Variants in NPNT observed in about 807,000 individuals in gnomAD.
NPNT encodes the protein preosteoblast EGF-like repeat protein with MAM domain.
In NPNT, 45 loss-of-function variants were observed where a neutral mutation model predicts 68.6. The ratio of observed to expected loss-of-function variants is 0.66; its 90% CI spans 0.52 to 0.84. The LOEUF (loss-of-function observed/expected upper bound fraction) is 0.84, where lower values mean the gene tolerates loss of function less well. NPNT is among the 40% of genes least tolerant of loss of function. NPNT has a pLI of 0.00. For missense variants in NPNT, 672 were observed against 714.8 expected (o/e 0.94, Z 0.68); for synonymous variants, 233 against 253.3 (o/e 0.92, Z 0.76).
intron 2 of NPNT, among the ~76,000 whole-genome samples, chr4:105,901,038 T>C (rs2149315335): frequency 6.6e-6 from 1 of 152,348 alleles, no homozygotes; most frequent in South Asian, 2.1e-4. Context: ...ACACAGCATC[T>C]TAAACCACTC....
intron 3 of NPNT, among the ~76,000 whole-genome samples, chr4:105,934,189 AATTT>A (rs1282911700): frequency 2.0e-5 from 3 of 151,562 alleles, no homozygotes; most frequent in Non-Finnish European, 4.4e-5. Context: ...ATTTGGAAGT[AATTT>A]ATTTTTGAAT....
At chr4:105,923,001 T>C (rs1018233763) in intron 2 of NPNT, among the ~76,000 whole-genome samples, 2 of 152,246 alleles carry the variant, frequency 1.3e-5, no homozygotes, top group African/African-American at 4.8e-5. Context: ...GAAGCAATGC[T>C]GCCTTTTCTG....
intron 2 of NPNT, among the ~76,000 whole-genome samples, chr4:105,915,385 G>A (rs1044615596): frequency 2.0e-5 from 3 of 152,110 alleles, no homozygotes; most frequent in South Asian, 2.1e-4. Context: ...GTGGCGGGGG[G>A]GCACATGGGC....
At chr4:105,925,277 C>A (rs1334866398) in intron 2 of NPNT, among the ~76,000 whole-genome samples, 1 of 152,010 alleles carries the variant, frequency 6.6e-6, no homozygotes, top group Non-Finnish European at 1.5e-5. Flanking sequence ...AGGGCATTTC[C>A]CTATCATTTA....
intron 3 of NPNT, 175 bp downstream of exon 3, chr4:105,927,603 A>C: frequency 5.4e-6 from 2 of 372,522 alleles, no homozygotes; most frequent in Non-Finnish European, 4.8e-6. Flanking sequence ...TTCTTTTATC[A>C]AAGGACAATT....
At chr4:105,964,398 T>C (rs1383991319) in intron 10 of NPNT, among the ~76,000 whole-genome samples, 1 of 152,226 alleles carries the variant, frequency 6.6e-6, no homozygotes, top group East Asian at 1.9e-4. Context: ...ACTATATCCA[T>C]AGAATAAATT....
chr4:105,907,047 C>G (rs573911320), intron 2 of NPNT, among the ~76,000 whole-genome samples: 1 of 152,130 alleles, frequency 6.6e-6, no homozygotes, highest in Non-Finnish European at 1.5e-5. Flanking sequence ...TATAGGTGTT[C>G]CGGGGAGTCA....
At chr4:105,956,802 C>T (rs1457994128) in intron 8 of NPNT, among the ~76,000 whole-genome samples, 1 of 152,202 alleles carries the variant, frequency 6.6e-6, no homozygotes, top group Non-Finnish European at 1.5e-5. Flanking sequence ...TGGGTATCCA[C>T]AGTCAGCTGT....
intron 1 of NPNT, among the ~76,000 whole-genome samples, chr4:105,896,440 C>A (rs908871675): frequency 6.6e-6 from 1 of 152,006 alleles, no homozygotes; most frequent in Admixed American, 6.5e-5. Context: ...CCGGTCCTCC[C>A]GCGCTCCGGG....
chr4:105,952,407 C>A (rs1280302131), intron 8 of NPNT, among the ~76,000 whole-genome samples: 1 of 152,142 alleles, frequency 6.6e-6, no homozygotes, highest in Admixed American at 6.5e-5. Flanking sequence ...AAAATAGAGA[C>A]CACATCATCT....
chr4:105,935,038 A>G (rs147034222), intron 3 of NPNT, among the ~76,000 whole-genome samples: 1 of 152,360 alleles, frequency 6.6e-6, no homozygotes, highest in African/African-American at 2.4e-5. Context: ...AGAAATTTCC[A>G]TCAGCATAAA....
chr4:105,942,731 C>A, intron 8 of NPNT, 29 bp downstream of exon 8: 1 of 1,559,306 alleles, frequency 6.4e-7, no homozygotes, highest in South Asian at 1.2e-5. Flanking sequence ...AGCACATTTT[C>A]AATAGGCTCT....
chr4:105,901,962 C>G (rs559385860), intron 2 of NPNT, among the ~76,000 whole-genome samples: 2 of 152,206 alleles, frequency 1.3e-5, no homozygotes, highest in Middle Eastern at 3.4e-3. Context: ...TTATTTCTTT[C>G]TGCATTTCAA....
chr4:105,901,796 C>T lies in NPNT; in HGVS notation c.172+3795C>T, dbSNP rs115821503. Among the ~76,000 whole-genome samples the T allele has an allele frequency of 1.0e-2, 1,515 of 152,228 alleles. 23 individuals carry two copies. Among genetic ancestry groups the T allele is most frequent in the African/African-American group, 0.033 (1,382 of 41,548 alleles). On this transcript the variant is annotated intron_variant, in intron 2 of 11. Coordinates refer to ENST00000379987, the MANE Select transcript of NPNT (RefSeq NM_001033047.3). Reference sequence around the variant, plus strand: ...TAAAGTGAAAATTTTGGATTCTTATCGGCTTCAGATAAACTTACAGGTTAG... The same window carrying T: ...TAAAGTGAAAATTTTGGATTCTTATTGGCTTCAGATAAACTTACAGGTTAG...
chr4:105,945,431 T>C (rs1274403542), intron 8 of NPNT, among the ~76,000 whole-genome samples: 1 of 152,164 alleles, frequency 6.6e-6, no homozygotes, highest in East Asian at 1.9e-4. Context: ...AAACTCAACA[T>C]GTATAGAATT....
chr4:105,957,316 C>A (rs2149399087), intron 8 of NPNT, among the ~76,000 whole-genome samples: 1 of 152,236 alleles, frequency 6.6e-6, no homozygotes, highest in Non-Finnish European at 1.5e-5. Context: ...AGATCCAGAC[C>A]CTCAGTCTTG....
At chr4:105,917,351 C>T (rs1727900817) in intron 2 of NPNT, among the ~76,000 whole-genome samples, 1 of 152,190 alleles carries the variant, frequency 6.6e-6, no homozygotes, top group Admixed American at 6.5e-5. Flanking sequence ...GCTCACATTT[C>T]CTCTTGAAAG....
chr4:105,912,279 A>G (rs748084977), intron 2 of NPNT: 2 of 1,384,366 alleles, frequency 1.4e-6, no homozygotes, highest in Non-Finnish European at 2.0e-6. Flanking sequence ...TGGCTAATCT[A>G]TGTCTTGAAA....
chr4:105,954,680 C>T (rs2149395101), intron 8 of NPNT, among the ~76,000 whole-genome samples: 1 of 152,336 alleles, frequency 6.6e-6, no homozygotes. Flanking sequence ...GTAAGGTCTA[C>T]AGCAATTCTG....
Sources: allele counts gnomAD v4.1 joint callset (sites outside exome capture counted in the v4.1 genomes callset), GRCh38; gene constraint gnomAD v4.1.1; transcripts MANE v1.5; gene names NCBI Gene and HGNC (gene_info 2026-07-23, HGNC 2026-07-21).